Variants in SLC30A4 observed in about 807,000 individuals in gnomAD.
SLC30A4 encodes probable proton-coupled zinc antiporter SLC30A4.
Under a neutral mutation model 41.7 loss-of-function variants are expected in SLC30A4, and 20 were observed. That is an observed-to-expected ratio of 0.48 (90% CI 0.34 to 0.70). The LOEUF (loss-of-function observed/expected upper bound fraction) is 0.70, where lower values mean the gene tolerates loss of function less well. Among genes scored for constraint, SLC30A4 ranks in the 30% least tolerant of loss-of-function variants. The pLI, the probability that SLC30A4 is intolerant of heterozygous loss-of-function variation, is 0.01. For missense variants in SLC30A4, 441 were observed against 529.3 expected, an observed-to-expected ratio of 0.83 and a Z score of 1.64; for synonymous variants, 181 against 195.9, an observed-to-expected ratio of 0.92 and a Z score of 0.64.
intron 3 of SLC30A4, among the ~76,000 whole-genome samples, chr15:45,498,548 C>T (rs1041750453): frequency 1.3e-5 from 2 of 152,074 alleles, no homozygotes; most frequent in Non-Finnish European, 1.5e-5. Flanking sequence ...GTTTGTCTTT[C>T]GATCTCCCCT....
In SLC30A4 at chr15:45,522,615, C is replaced by T; in HGVS notation, c.-123G>A. The T allele has an allele frequency of 2.9e-6, 1 of 339,902 alleles. No homozygotes were observed. Among genetic ancestry groups the T allele is most frequent in the Non-Finnish European group, 5.3e-6 (1 of 189,946 alleles). 21.1% of individuals were successfully genotyped at this position (339,902 alleles called of 1,614,324 possible). ...GCACATCTATTTAATACCTGGGGCG[C>T]TGCCGCGGGGCCGCAACTCATCTCC... On this transcript the variant is annotated 5_prime_UTR_variant, in exon 1 of 8. Coordinates refer to ENST00000261867, the MANE Select transcript of SLC30A4 (RefSeq NM_013309.6).
chr15:45,512,828 T>TA (rs1342917415), intron 2 of SLC30A4, among the ~76,000 whole-genome samples: 1 of 152,092 alleles, frequency 6.6e-6, no homozygotes, highest in African/African-American at 2.4e-5. Flanking sequence ...TTTCAGCATT[T>TA]AAAAAATGGC....
At chr15:45,488,800 T>A in intron 5 of SLC30A4, 41 bp downstream of exon 5, 1 of 1,520,974 alleles carries the variant, frequency 6.6e-7, no homozygotes, top group Non-Finnish European at 9.1e-7. Flanking sequence ...CATGTTGAAA[T>A]TAAGTACATT....
chr15:45,514,711 C>T (rs1892413226), intron 2 of SLC30A4, among the ~76,000 whole-genome samples: 2 of 151,592 alleles, frequency 1.3e-5, no homozygotes, highest in Admixed American at 6.6e-5. Flanking sequence ...GATGGTGTAT[C>T]ATCATGTTGG....
Position 45,514,515 on chromosome 15 carries a change from T to TC in SLC30A4, c.392-3232_392-3231insG, listed in dbSNP as rs1445420545. Among the ~76,000 whole-genome samples, 19 of 143,448 alleles carry TC rather than the reference T, an allele frequency of 1.3e-4. 1 individual carries two copies. The highest frequency in any genetic ancestry group is 2.3e-4 in the Non-Finnish European group (15 of 65,260). 94.1% of individuals were successfully genotyped at this position (143,448 alleles called of 152,430 possible). Reference sequence around the variant, plus strand: ...GAGTTTAGATTGATATTCCAATTTTTTTTTTTTTTTTTTTTTTGAGACAGA... The same window carrying TC: ...GAGTTTAGATTGATATTCCAATTTTTCTTTTTTTTTTTTTTTTTGAGACAGA... On this transcript the variant is annotated intron_variant, in intron 2 of 7. Transcript: ENST00000261867.
rs753415565 is a variant in SLC30A4 at position 45,517,873 on chromosome 15, G to A, written c.391+4091C>T. Among the ~76,000 whole-genome samples the A allele has an allele frequency of 5.3e-5, 8 of 151,884 alleles. No homozygotes were observed. In the East Asian group the frequency reaches 7.8e-4, roughly 15 times the overall value. On this transcript the variant is annotated intron_variant, in intron 2 of 7. Coordinates refer to ENST00000261867, the MANE Select transcript of SLC30A4 (RefSeq NM_013309.6). ...TGAGGCAGGAGAATGGCACGAACCC[G>A]GGAGGCAGAGCTTGCAGTGAGCCGA...
At position 45,482,260 on chromosome 15, in the gene SLC30A4, A is replaced by C. The variant is rs1050950914; in HGVS notation, c.*2903T>G. On this transcript the variant is annotated 3_prime_UTR_variant, in exon 8 of 8. Transcript: ENST00000261867. ...TGGTGAAACACTGTGTCTACCAAAAATACAAAAAATTAGCTGGGTGTGGTG... is the reference window on the plus strand; with the variant it reads ...TGGTGAAACACTGTGTCTACCAAAACTACAAAAAATTAGCTGGGTGTGGTG... 1.3e-4 allele frequency: 19 copies of C among 151,832 alleles called. No individual in the cohort carries two copies. Among genetic ancestry groups the C allele is most frequent in the African/African-American group, 4.6e-4 (19 of 41,250 alleles). 9.4% of individuals were successfully genotyped at this position (151,832 alleles called of 1,614,324 possible).
At chr15:45,520,642 C>T (rs1383035565) in intron 2 of SLC30A4, among the ~76,000 whole-genome samples, 1 of 152,142 alleles carries the variant, frequency 6.6e-6, no homozygotes, top group South Asian at 2.1e-4. Context: ...GAAAGGCAGT[C>T]TATGTAAAGC....
chr15:45,500,658 A>ATCTG (rs1566878253), intron 3 of SLC30A4, among the ~76,000 whole-genome samples: 1 of 126,808 alleles, frequency 7.9e-6, no homozygotes, highest in Non-Finnish European at 1.7e-5. Context: ...CTATCTATCT[A>ATCTG]TCTATATGTT....
chr15:45,517,443 T>TC (rs1892518476), intron 2 of SLC30A4, among the ~76,000 whole-genome samples: 1 of 136,508 alleles, frequency 7.3e-6, no homozygotes, highest in Non-Finnish European at 1.5e-5. Context: ...AACCTCCGCC[T>TC]CCTAGGTTCA....
chr15:45,485,170 C>T lies in SLC30A4; in HGVS notation c.1283G>A (p.Ser428Asn). 1 of 1,611,926 alleles carries T rather than the reference C, an allele frequency of 6.2e-7. No individual in the cohort carries two copies. The highest frequency in any genetic ancestry group is 8.5e-7 in the Non-Finnish European group (1 of 1,179,250). Residue 428 changes from serine (S) to asparagine (N), a missense_variant, in exon 8 of 8, where the codon AGT (serine) becomes AAT (asparagine). By Grantham distance (46) the Ser-to-Asn change is conservative. This residue lies in a region of SLC30A4 where 100 missense variants were observed against 121.0 expected (regional missense o/e 0.83). Coordinates refer to ENST00000261867, the MANE Select transcript of SLC30A4 (RefSeq NM_013309.6). ...DRTCANCQSS[S>N]P Reference sequence around the variant, plus strand: ...TTCCCAAAATACATAAAATTAGGGACTAGAACTCTGACAATTTGCACAAGT... The same window carrying T: ...TTCCCAAAATACATAAAATTAGGGATTAGAACTCTGACAATTTGCACAAGT...
intron 2 of SLC30A4, chr15:45,513,845 A>C (rs1220948346): frequency 6.6e-6 from 1 of 152,184 alleles, no homozygotes. Context: ...GTAGTTCCCT[A>C]AAGGACGTGC....
rs142206199 is a variant in SLC30A4, at chr15:45,483,227, C to T, written c.*1936G>A. 3.9e-5 allele frequency: 6 copies of T among 152,276 alleles called. No homozygotes were observed. Among genetic ancestry groups the T allele is most frequent in the Non-Finnish European group, 5.9e-5 (4 of 68,014 alleles). The allele number at this position is 152,276 out of a possible 1,614,324, so 9.4% of individuals were successfully genotyped here. ...TCTTAGGTTTACTTATAGTAAGGTACTTGGTAAGAAGATAAAATGTTTCCT... is the reference window on the plus strand; with the variant it reads ...TCTTAGGTTTACTTATAGTAAGGTATTTGGTAAGAAGATAAAATGTTTCCT... On this transcript the variant is annotated 3_prime_UTR_variant, in exon 8 of 8. Coordinates refer to ENST00000261867, the MANE Select transcript of SLC30A4 (RefSeq NM_013309.6).
Position 45,480,724 on chromosome 15 carries a change from A to G in SLC30A4, c.*4439T>C, listed in dbSNP as rs562993816. ...AAGAACACCATATTAAGTTGAGCCA[A>G]TTAACATATATGCATAAAAGGAAAA... is the stretch of plus-strand genomic sequence containing the variant. On this transcript the variant is annotated 3_prime_UTR_variant, in exon 8 of 8. Transcript: ENST00000261867. The G allele has an allele frequency of 1.3e-5, 2 of 152,350 alleles. No individual in the cohort carries two copies. Among genetic ancestry groups the G allele is most frequent in the African/African-American group, 4.8e-5 (2 of 41,582 alleles). The allele number at this position is 152,350 out of a possible 1,614,324, so 9.4% of individuals were successfully genotyped here.
chr15:45,485,417 TA>T (rs1891679193), intron 7 of SLC30A4, 100 bp from the exon 8 acceptor site: 1 of 776,892 alleles, frequency 1.3e-6, no homozygotes, highest in East Asian at 2.8e-5. Context: ...AATATATTTT[TA>T]TTAGTCTGAT....
chr15:45,521,583 C>T (rs1892668287), intron 2 of SLC30A4, among the ~76,000 whole-genome samples: 1 of 151,860 alleles, frequency 6.6e-6, no homozygotes, highest in Non-Finnish European at 1.5e-5. Context: ...AAGGTCCCTT[C>T]ATACTGTAAA....
intron 2 of SLC30A4, among the ~76,000 whole-genome samples, chr15:45,518,133 A>G (rs1231448384): frequency 6.6e-6 from 1 of 152,194 alleles, no homozygotes; most frequent in Non-Finnish European, 1.5e-5. Flanking sequence ...CGAAGAATTG[A>G]AGGCTTTAGG....
chr15:45,509,087 T>G (rs1201780160), intron 3 of SLC30A4, among the ~76,000 whole-genome samples: 1 of 152,184 alleles, frequency 6.6e-6, no homozygotes, highest in Non-Finnish European at 1.5e-5. Flanking sequence ...CATTCCATGA[T>G]GATATGTTTA....
intron 3 of SLC30A4, among the ~76,000 whole-genome samples, chr15:45,504,458 C>T (rs557913960): frequency 6.6e-6 from 1 of 152,294 alleles, no homozygotes; most frequent in Admixed American, 6.5e-5. Context: ...TGTTCCATTA[C>T]ATAAGAGACT....
Sources: gnomAD v4.1 joint callset for allele counts (sites outside exome capture counted in the v4.1 genomes callset) on GRCh38, gnomAD v4.1.1 for gene constraint, gnomAD v4.1.1 regional missense constraint, MANE v1.5 for transcripts, NCBI Gene and HGNC (gene_info 2026-07-23, HGNC 2026-07-21) for gene names.